PCDHA6: variants seen among roughly 807,000 people sequenced by gnomAD.
PCDHA6 encodes the protein protocadherin alpha 6.
A neutral mutation model predicts 60.3 loss-of-function variants in PCDHA6; 55 were observed. That is an observed-to-expected ratio of 0.91 (90% CI 0.73 to 1.14). PCDHA6 has a LOEUF of 1.14. Ranked by LOEUF, PCDHA6 falls within the 50% of genes most tolerant of loss-of-function variation. The pLI, the probability that PCDHA6 is intolerant of heterozygous loss-of-function variation, is 0.00. For synonymous variants in PCDHA6, 652 were observed against 557.9 expected, an observed-to-expected ratio of 1.17 and a Z score of -2.38; for missense variants, 1,327 against 1,256.5, an observed-to-expected ratio of 1.06 and a Z score of -0.85.
intron 3 of PCDHA6, among the ~76,000 whole-genome samples, chr5:141,000,386 T>A (rs1394092081): frequency 5.6e-4 from 37 of 66,542 alleles, no homozygotes; most frequent in African/African-American, 2.4e-3. Flanking sequence ...TCTCTCTCTC[T>A]CTCTCTCTCT....
intron 1 of PCDHA6, chr5:140,875,439 G>C (rs375983329): frequency 3.8e-6 from 6 of 1,569,382 alleles, no homozygotes; most frequent in East Asian, 2.3e-5. Flanking sequence ...CCTTAAAACT[G>C]ATTGTCCCAA....
At chr5:140,972,471 G>A (rs1437633114) in intron 1 of PCDHA6, among the ~76,000 whole-genome samples, 6 of 151,998 alleles carry the variant, frequency 3.9e-5, no homozygotes, top group Non-Finnish European at 8.8e-5. Context: ...TTAAACATCA[G>A]CATTTAACCC....
chr5:140,839,000 A>G (rs190109951), intron 1 of PCDHA6, among the ~76,000 whole-genome samples: 4 of 152,212 alleles, frequency 2.6e-5, no homozygotes, highest in Admixed American at 2.6e-4. Flanking sequence ...ATTCTAATAT[A>G]CTTTAGTAAA....
At chr5:140,884,230 CG>C in intron 1 of PCDHA6, 2 of 1,613,384 alleles carry the variant, frequency 1.2e-6, no homozygotes, top group Non-Finnish European at 1.7e-6. Flanking sequence ...TGAAGGACCA[CG>C]GTGAGCCCGC....
intron 1 of PCDHA6, among the ~76,000 whole-genome samples, chr5:140,954,291 T>C (rs1309677058): frequency 6.6e-6 from 1 of 152,230 alleles, no homozygotes; most frequent in African/African-American, 2.4e-5. Context: ...TTCCTTTGGG[T>C]ACATACCCAG....
intron 3 of PCDHA6, among the ~76,000 whole-genome samples, chr5:141,005,701 CAA>C (rs59860837): frequency 3.2e-3 from 25 of 7,784 alleles, no homozygotes; most frequent in African/African-American, 6.6e-3. Flanking sequence ...AACTCCGTCT[CAA>C]AAAAAAAAAA....
intron 1 of PCDHA6, among the ~76,000 whole-genome samples, chr5:140,891,953 T>G (rs1056816293): frequency 6.6e-6 from 1 of 152,238 alleles, no homozygotes; most frequent in African/African-American, 2.4e-5. Flanking sequence ...GCTCCAGAAT[T>G]GTGAGAAGTA....
intron 1 of PCDHA6, chr5:140,870,960 C>A: frequency 6.2e-7 from 1 of 1,613,670 alleles, no homozygotes. Flanking sequence ...GCTCGCGCAT[C>A]CCGTTCCGCG....
chr5:140,902,855 G>A lies in PCDHA6; in HGVS notation c.2394+72370G>A, dbSNP rs137957286. On this transcript the variant is annotated intron_variant, in intron 1 of 3. Coordinates refer to ENST00000529310, the MANE Select transcript of PCDHA6 (RefSeq NM_018909.4). ...GAGTTACTTCACTTAGAAAAATGGC[G>A]TCCAGGTCCACCCAAGCTGCTGCAA... is the stretch of plus-strand genomic sequence containing the variant. Among the ~76,000 whole-genome samples, 742 of 152,204 alleles carry A rather than the reference G, an allele frequency of 4.9e-3. 1 individual carries two copies. The highest frequency in any genetic ancestry group is 7.5e-3 in the Admixed American group (115 of 15,274).
intron 1 of PCDHA6, chr5:140,881,395 T>C: frequency 1.0e-6 from 1 of 978,940 alleles, no homozygotes; most frequent in Non-Finnish European, 1.2e-6. Context: ...TAAGTTAAAT[T>C]CTATTAAATC....
chr5:140,842,664 T>A lies in PCDHA6; in HGVS notation c.2394+12179T>A. 1.9e-6 allele frequency: 3 copies of A among 1,595,188 alleles called. No homozygotes were observed. In the South Asian group the frequency reaches 3.3e-5, roughly 18 times the overall value. On this transcript the variant is annotated intron_variant, in intron 1 of 3. Transcript: ENST00000529310. The stretch of plus-strand genomic sequence containing the variant: ...AGCTTGTCTGTGGAGGTGGCCGACG[T>A]GAACGACAATGCTCCGGCGTTCGCG...
At chr5:140,875,691 C>A (rs1554167867) in intron 1 of PCDHA6, 2 of 1,614,036 alleles carry the variant, frequency 1.2e-6, no homozygotes, top group South Asian at 1.1e-5. Flanking sequence ...GACACGGGGA[C>A]CTTCTGGAGG....
intron 1 of PCDHA6, among the ~76,000 whole-genome samples, chr5:140,942,138 T>C (rs1269073266): frequency 1.3e-5 from 2 of 152,240 alleles, no homozygotes; most frequent in African/African-American, 4.8e-5. Flanking sequence ...TTTGTGGCTT[T>C]ACTTGACATA....
chr5:140,842,949 C>A lies in PCDHA6; in HGVS notation c.2394+12464C>A, dbSNP rs2150348537. ...GTGAGCGCGCGCGACGCGGGCGTGC[C>A]GCCTCTGGGCAGCAACGTGACGCTG... On this transcript the variant is annotated intron_variant, in intron 1 of 3. Coordinates refer to ENST00000529310, the MANE Select transcript of PCDHA6 (RefSeq NM_018909.4). 3.3e-3 allele frequency: 5,193 copies of A among 1,594,666 alleles called. 424 individuals are homozygous for A. The African/African-American group carries it at 0.061, about 19-fold the overall frequency.
intron 1 of PCDHA6, chr5:140,870,564 G>T (rs782511789): frequency 1.2e-6 from 2 of 1,613,884 alleles, no homozygotes; most frequent in Non-Finnish European, 1.7e-6. Context: ...AGGAGAACGC[G>T]CTGGTGTCCT....
At chr5:140,835,022 G>C in intron 1 of PCDHA6, 2 of 1,341,264 alleles carry the variant, frequency 1.5e-6, no homozygotes, top group South Asian at 1.4e-5. Context: ...TATTGCTCAC[G>C]GCCACCGATG....
At chr5:140,841,266 C>T in intron 1 of PCDHA6, 3 of 1,522,300 alleles carry the variant, frequency 2.0e-6, no homozygotes, top group Non-Finnish European at 2.6e-6. Flanking sequence ...TCTGAAAGTA[C>T]AGTCGTTCAT....
At chr5:140,907,500 G>T (rs2073413620) in intron 1 of PCDHA6, among the ~76,000 whole-genome samples, 1 of 152,228 alleles carries the variant, frequency 6.6e-6, no homozygotes, top group Non-Finnish European at 1.5e-5. Flanking sequence ...TCCAGAGTAA[G>T]TGTCTATTCC....
Position 140,828,392 on chromosome 5 carries a change from G to A in PCDHA6, c.301G>A (p.Glu101Lys). ...DREELCGRSA[E>K]CSIHLEVIVD... ...CGAGGAGCTGTGCGGGCGGAGCGCG[G>A]AGTGCAGCATCCACCTGGAGGTGAT... Residue 101 changes from glutamate (E) to lysine (K), a missense_variant, in exon 1 of 4, where the codon GAG becomes AAG. By Grantham distance (56) the Glu-to-Lys change is moderately conservative. Transcript: ENST00000529310. 6.2e-7 allele frequency: 1 copy of A among 1,614,286 alleles called. No individual in the cohort carries two copies. The highest frequency in any genetic ancestry group is 8.5e-7 in the Non-Finnish European group (1 of 1,180,048).
Sources: gnomAD v4.1 joint callset for allele counts (sites outside exome capture counted in the v4.1 genomes callset) on GRCh38, gnomAD v4.1.1 for gene constraint, MANE v1.5 for transcripts, NCBI Gene and HGNC (gene_info 2026-07-23, HGNC 2026-07-21) for gene names.